Variants in HP1BP3 observed in about 807,000 individuals in gnomAD.
The protein encoded by HP1BP3 is heterochromatin protein 1 binding protein 3.
A neutral mutation model predicts 62.5 loss-of-function variants in HP1BP3; 12 were observed. The observed-to-expected ratio is 0.19, with a 90% CI of 0.12 to 0.31. The LOEUF is 0.31. Ranked by LOEUF, HP1BP3 falls within the 10% of genes least tolerant of loss-of-function variation. The pLI is 1.00. For synonymous variants in HP1BP3, 260 were observed against 237.8 expected (o/e 1.09, Z -0.86); for missense variants, 502 against 651.8 (o/e 0.77, Z 2.50).
chr1:20,755,043 G>A (rs2056015845), intron 9 of HP1BP3, among the ~76,000 whole-genome samples: 1 of 152,160 alleles, frequency 6.6e-6, no homozygotes, highest in Non-Finnish European at 1.5e-5. Context: ...GAGACTTTAT[G>A]TCTAGAGTAA....
intron 1 of HP1BP3, among the ~76,000 whole-genome samples, chr1:20,785,570 T>C (rs2057783402): frequency 6.6e-6 from 1 of 152,206 alleles, no homozygotes; most frequent in Non-Finnish European, 1.5e-5. Flanking sequence ...GTAAGTTATA[T>C]AAGCAAACAT....
intron 8 of HP1BP3, among the ~76,000 whole-genome samples, chr1:20,760,511 A>G (rs2056403907): frequency 6.6e-6 from 1 of 151,952 alleles, no homozygotes; most frequent in Admixed American, 6.6e-5. Flanking sequence ...ACTATACTCC[A>G]GTCTGGGCAA....
intron 8 of HP1BP3, 55 bp from the exon 9 acceptor site, chr1:20,757,311 G>A: frequency 9.8e-7 from 1 of 1,020,912 alleles, no homozygotes; most frequent in Non-Finnish European, 1.5e-6. Context: ...AAAGAAAAAT[G>A]TAAAGAAATA....
rs751363606 is a variant in HP1BP3, at chr1:20,773,659, C to T, written c.351-49G>A. Reference sequence around the variant, plus strand: ...ATAGAAGATAAGCTCTCTAGAAAGACGTATAAAGTCAGAAGGAGGAAAAGA... The same window carrying T: ...ATAGAAGATAAGCTCTCTAGAAAGATGTATAAAGTCAGAAGGAGGAAAAGA... On this transcript the variant is annotated intron_variant, in intron 4 of 12. Coordinates refer to ENST00000438032, the MANE Select transcript of HP1BP3 (RefSeq NM_001372052.1). 1.7e-5 allele frequency: 22 copies of T among 1,287,106 alleles called. No homozygotes were observed. The East Asian group carries it at 2.6e-4, about 15-fold the overall frequency. 79.7% of individuals were successfully genotyped at this position (1,287,106 alleles called of 1,614,324 possible).
chr1:20,768,685 CAA>C (rs2056906730), intron 6 of HP1BP3, among the ~76,000 whole-genome samples: 1 of 151,636 alleles, frequency 6.6e-6, no homozygotes, highest in African/African-American at 2.4e-5. Context: ...ACTAAAAATA[CAA>C]AAATTAGCTG....
intron 9 of HP1BP3, among the ~76,000 whole-genome samples, chr1:20,753,348 T>C (rs1363759523): frequency 6.6e-6 from 1 of 152,128 alleles, no homozygotes; most frequent in African/African-American, 2.4e-5. Flanking sequence ...GAGCCTGTCA[T>C]GTAAAAAAAT....
At chr1:20,758,075 G>C (rs1033581238) in intron 8 of HP1BP3, among the ~76,000 whole-genome samples, 2 of 152,098 alleles carry the variant, frequency 1.3e-5, no homozygotes, top group Admixed American at 1.3e-4. Context: ...GAACCCGGGA[G>C]GCGGAGGTTG....
At chr1:20,755,672 G>A (rs146161523) in intron 9 of HP1BP3, among the ~76,000 whole-genome samples, 1 of 152,086 alleles carries the variant, frequency 6.6e-6, no homozygotes, top group South Asian at 2.1e-4. Context: ...ACATATCCAC[G>A]CAGACTTGAA....
intron 8 of HP1BP3, among the ~76,000 whole-genome samples, chr1:20,760,653 A>G (rs1223179332): frequency 1.3e-5 from 2 of 152,142 alleles, no homozygotes; most frequent in African/African-American, 2.4e-5. Context: ...CCTGGCCAAC[A>G]TGGTGAAACT....
chr1:20,745,899 CAT>C (rs1361256508), intron 11 of HP1BP3, among the ~76,000 whole-genome samples: 6 of 152,250 alleles, frequency 3.9e-5, no homozygotes, highest in Non-Finnish European at 7.3e-5. Flanking sequence ...AAAATTAATC[CAT>C]AGTCATTTAT....
intron 8 of HP1BP3, among the ~76,000 whole-genome samples, chr1:20,763,027 G>GGGTTGTTTAAAACAACT (rs1553161230): frequency 6.6e-6 from 1 of 152,104 alleles, no homozygotes; most frequent in Non-Finnish European, 1.5e-5. Flanking sequence ...CGTAATGAGC[G>GGGTTGTTTAAAACAACT]GGTTGTTTAA....
intron 7 of HP1BP3, 69 bp downstream of exon 7, chr1:20,767,515 A>G: frequency 9.9e-7 from 1 of 1,010,370 alleles, no homozygotes; most frequent in Non-Finnish European, 1.6e-6. Flanking sequence ...GCAAACACTC[A>G]ATGAATGTTG....
At chr1:20,758,344 A>G (rs2056250634) in intron 8 of HP1BP3, among the ~76,000 whole-genome samples, 1 of 148,658 alleles carries the variant, frequency 6.7e-6, no homozygotes, top group Non-Finnish European at 1.5e-5. Flanking sequence ...CCTATGGGTT[A>G]AACACTCCTT....
At chr1:20,783,767 C>T (rs1326701702) in intron 1 of HP1BP3, among the ~76,000 whole-genome samples, 1 of 47,262 alleles carries the variant, frequency 2.1e-5, no homozygotes, top group Non-Finnish European at 3.5e-5. Flanking sequence ...GAGACTCTGT[C>T]TCAAAAAAAA....
chr1:20,744,678 A>T lies in HP1BP3; in HGVS notation c.*119T>A. The T allele has an allele frequency of 3.1e-6, 3 of 963,712 alleles. No individual in the cohort carries two copies. The highest frequency in any genetic ancestry group is 4.6e-6 in the Non-Finnish European group (3 of 657,700). 59.7% of individuals were successfully genotyped at this position (963,712 alleles called of 1,614,324 possible). ...TGGTTTATTTAGAGTCCCTCCCCAC[A>T]ATGTTCATAGGGGAGGAAAATAATG... is the stretch of plus-strand genomic sequence containing the variant. On this transcript the variant is annotated 3_prime_UTR_variant, in exon 13 of 13. Coordinates refer to ENST00000438032, the MANE Select transcript of HP1BP3 (RefSeq NM_001372052.1).
At chr1:20,771,102 T>G (rs1057511738) in intron 5 of HP1BP3, 29 bp from the exon 6 acceptor site, 6 of 1,560,240 alleles carry the variant, frequency 3.8e-6, no homozygotes, top group Non-Finnish European at 5.2e-6. Flanking sequence ...ACTAGTTGTT[T>G]TTTTTTATTA....
At chr1:20,770,202 T>C (rs867582592) in intron 6 of HP1BP3, among the ~76,000 whole-genome samples, 2 of 152,214 alleles carry the variant, frequency 1.3e-5, no homozygotes, top group Non-Finnish European at 2.9e-5. Flanking sequence ...GCTTTAATAG[T>C]TTAGATACTA....
Position 20,741,591 on chromosome 1 carries a change from A to G in HP1BP3, c.*3206T>C, listed in dbSNP as rs753731648. 6.6e-6 allele frequency among the ~76,000 whole-genome samples: 1 copy of G among 152,234 alleles called. No individual in the cohort carries two copies. Among genetic ancestry groups the G allele is most frequent in the Non-Finnish European group, 1.5e-5 (1 of 68,044 alleles). On this transcript the variant is annotated 3_prime_UTR_variant, in exon 13 of 13. Coordinates refer to ENST00000438032, the MANE Select transcript of HP1BP3 (RefSeq NM_001372052.1). ...GGATGCATAGTCAGAATCCATGTGC[A>G]ATGAATGCTTCTGTCATAGTGCTAA...
chr1:20,761,794 G>A (rs1023104557), intron 8 of HP1BP3, among the ~76,000 whole-genome samples: 4 of 152,198 alleles, frequency 2.6e-5, no homozygotes, highest in Non-Finnish European at 4.4e-5. Context: ...ATCCTTAGGA[G>A]ATTGAGAAAC....
Sources: allele counts gnomAD v4.1 joint callset (sites outside exome capture counted in the v4.1 genomes callset), GRCh38; gene constraint gnomAD v4.1.1; transcripts MANE v1.5; gene names NCBI Gene and HGNC (gene_info 2026-07-23, HGNC 2026-07-21).